The following NIM1K variants were observed in gnomAD, a reference collection of about 807,000 sequenced individuals.
NIM1K encodes the protein serine/threonine-protein kinase NIM1.
Under a neutral mutation model 37.1 loss-of-function variants are expected in NIM1K, and 35 were observed. The observed-to-expected ratio is 0.94, with a 90% CI of 0.72 to 1.25. The LOEUF (loss-of-function observed/expected upper bound fraction) is 1.25. Ranked by LOEUF, NIM1K falls within the 50% of genes most tolerant of loss-of-function variation. The pLI is 0.00. For missense variants in NIM1K, 564 were observed against 548.0 expected, an observed-to-expected ratio of 1.03 and a Z score of -0.29; for synonymous variants, 234 against 206.6, an observed-to-expected ratio of 1.13 and a Z score of -1.14.
intron 2 of NIM1K, among the ~76,000 whole-genome samples, chr5:43,266,700 A>G (rs1753168151): frequency 1.3e-5 from 2 of 152,178 alleles, no homozygotes. Flanking sequence ...TGCGTTGCTC[A>G]TGCTGGGAGC....
chr5:43,204,042 G>A (rs1333322046), intron 1 of NIM1K, among the ~76,000 whole-genome samples: 1 of 146,480 alleles, frequency 6.8e-6, no homozygotes, highest in Admixed American at 6.8e-5. Flanking sequence ...AAAAAAAGTG[G>A]TGTAATTTGT....
At chr5:43,255,567 G>A (rs1236630920) in intron 2 of NIM1K, among the ~76,000 whole-genome samples, 2 of 152,058 alleles carry the variant, frequency 1.3e-5, no homozygotes, top group African/African-American at 2.4e-5. Context: ...TGGCCGACAT[G>A]GTGAAACCAC....
chr5:43,244,646 T>C (rs183599626), intron 1 of NIM1K, among the ~76,000 whole-genome samples: 41 of 152,242 alleles, frequency 2.7e-4, no homozygotes, highest in African/African-American at 9.9e-4. Context: ...TGGAAGCAAC[T>C]AGTATAGGAC....
intron 2 of NIM1K, among the ~76,000 whole-genome samples, chr5:43,249,728 C>A (rs554083756): frequency 9.9e-5 from 15 of 151,950 alleles, no homozygotes; most frequent in Non-Finnish European, 1.8e-4. Flanking sequence ...CCAGGATTTG[C>A]ATTGAGAAGA....
intron 1 of NIM1K, among the ~76,000 whole-genome samples, chr5:43,236,448 T>A (rs1220642660): frequency 6.6e-6 from 1 of 152,056 alleles, no homozygotes; most frequent in Non-Finnish European, 1.5e-5. Context: ...AGACCCTGCC[T>A]CTAAATAAAA....
intron 2 of NIM1K, among the ~76,000 whole-genome samples, chr5:43,253,193 A>G (rs1752891585): frequency 8.2e-6 from 1 of 121,448 alleles, no homozygotes; most frequent in African/African-American, 3.0e-5. Context: ...AATATATAAT[A>G]TAATATATAA....
At chr5:43,228,296 G>T (rs1386825554) in intron 1 of NIM1K, among the ~76,000 whole-genome samples, 1 of 151,750 alleles carries the variant, frequency 6.6e-6, no homozygotes, top group African/African-American at 2.4e-5. Flanking sequence ...ACAGGTGCCC[G>T]CCACCACACC....
At chr5:43,277,779 CGT>C (rs765779433) in intron 3 of NIM1K, among the ~76,000 whole-genome samples, 5,743 of 127,256 alleles carry the variant, frequency 0.045, 149 homozygotes, top group Admixed American at 0.088. Flanking sequence ...CCCCCCTCTC[CGT>C]GTGTGTGTGT....
chr5:43,232,679 A>G, intron 1 of NIM1K: 1 of 1,509,580 alleles, frequency 6.6e-7, no homozygotes, highest in East Asian at 2.3e-5. Flanking sequence ...TGCAGCTTGG[A>G]CTTCTTGCCG....
chr5:43,259,166 A>T (rs1752991270), intron 2 of NIM1K, among the ~76,000 whole-genome samples: 1 of 152,180 alleles, frequency 6.6e-6, no homozygotes. Flanking sequence ...GTTGGTTGAC[A>T]CTTAGGTTGG....
chr5:43,216,634 G>A (rs1056626396), intron 1 of NIM1K, among the ~76,000 whole-genome samples: 1 of 152,214 alleles, frequency 6.6e-6, no homozygotes, highest in Non-Finnish European at 1.5e-5. Flanking sequence ...GAGGAGGTAG[G>A]AGGAGAGAAG....
chr5:43,277,765 CCA>C (rs1448280950), intron 3 of NIM1K, among the ~76,000 whole-genome samples: 4 of 149,922 alleles, frequency 2.7e-5, no homozygotes, highest in Non-Finnish European at 4.4e-5. Flanking sequence ...TCTCTCTCCC[CCA>C]CCCCCCCTCT....
intron 2 of NIM1K, among the ~76,000 whole-genome samples, chr5:43,257,579 C>T (rs576427215): frequency 6.6e-6 from 1 of 152,012 alleles, no homozygotes; most frequent in East Asian, 1.9e-4. Context: ...TCTCGATCTC[C>T]TGACCTCATC....
chr5:43,213,983 CT>C (rs764323868), intron 1 of NIM1K, among the ~76,000 whole-genome samples: 1,406 of 138,890 alleles, frequency 0.01, 8 homozygotes, highest in Middle Eastern at 0.034. Flanking sequence ...CTCTTTCTTT[CT>C]TTTTTTTTTT....
intron 2 of NIM1K, among the ~76,000 whole-genome samples, chr5:43,250,089 T>C (rs1752846221): frequency 6.6e-6 from 1 of 151,944 alleles, no homozygotes; most frequent in African/African-American, 2.4e-5. Context: ...CCTGACCTCG[T>C]GATCTGCCCG....
intron 1 of NIM1K, chr5:43,207,440 C>G: frequency 6.1e-6 from 5 of 825,358 alleles, no homozygotes; most frequent in Non-Finnish European, 1.1e-5. Context: ...CTATCAGGTT[C>G]TAATAGAAGA....
At chr5:43,263,139 AG>A (rs1286223464) in intron 2 of NIM1K, among the ~76,000 whole-genome samples, 1 of 152,182 alleles carries the variant, frequency 6.6e-6, no homozygotes, top group Admixed American at 6.5e-5. Flanking sequence ...TGAGTTAGGG[AG>A]GATTCCCTCT....
intron 1 of NIM1K, among the ~76,000 whole-genome samples, chr5:43,217,063 A>T (rs1214254686): frequency 6.6e-6 from 1 of 152,182 alleles, no homozygotes. Context: ...ATACACCACT[A>T]CTATCAATTT....
chr5:43,212,949 C>T (rs369810437), intron 1 of NIM1K, among the ~76,000 whole-genome samples: 20 of 152,186 alleles, frequency 1.3e-4, no homozygotes, highest in Admixed American at 9.8e-4. Flanking sequence ...CCTCTGTGTT[C>T]GCCCAGGTGC....
Sources: gnomAD v4.1 joint callset for allele counts (sites outside exome capture counted in the v4.1 genomes callset) on GRCh38, gnomAD v4.1.1 for gene constraint, MANE v1.5 for transcripts, NCBI Gene and HGNC (gene_info 2026-07-23, HGNC 2026-07-21) for gene names.